NPAS3: variants seen among roughly 807,000 people sequenced by gnomAD.
The protein encoded by NPAS3 is neuronal PAS domain protein 3.
NPAS3 carries 14 observed loss-of-function variants against 73.1 expected under a neutral mutation model. The observed-to-expected ratio is 0.19, with a 90% CI of 0.13 to 0.30. NPAS3 has a LOEUF of 0.30. NPAS3 is among the 10% of genes least tolerant of loss of function. NPAS3 has a pLI of 1.00. For missense variants in NPAS3, 1,096 were observed against 1,250.0 expected (o/e 0.88, Z 1.86); for synonymous variants, 620 against 541.5 (o/e 1.14, Z -2.01).
At chr14:33,174,149 C>A (rs1379507583) in intron 2 of NPAS3, among the ~76,000 whole-genome samples, 3 of 152,172 alleles carry the variant, frequency 2.0e-5, no homozygotes, top group African/African-American at 7.2e-5. Context: ...CCCTGGAGTA[C>A]TCTGTCCTCA....
At chr14:32,994,485 G>A (rs578130860) in intron 1 of NPAS3, among the ~76,000 whole-genome samples, 1 of 151,442 alleles carries the variant, frequency 6.6e-6, no homozygotes, top group East Asian at 1.9e-4. Context: ...CATGATGGAT[G>A]TTAATTTAAA....
chr14:33,076,626 G>A (rs1027103416), intron 2 of NPAS3, among the ~76,000 whole-genome samples: 2 of 152,114 alleles, frequency 1.3e-5, no homozygotes, highest in Non-Finnish European at 2.9e-5. Context: ...TTCCCATAGG[G>A]TATAGAGTGT....
At chr14:33,606,316 A>G (rs2140023521) in intron 5 of NPAS3, among the ~76,000 whole-genome samples, 1 of 145,418 alleles carries the variant, frequency 6.9e-6, no homozygotes, top group East Asian at 2.1e-4. Context: ...GAGTGAGAAT[A>G]TGCAGTGTTT....
intron 1 of NPAS3, among the ~76,000 whole-genome samples, chr14:32,981,755 G>C (rs910585186): frequency 1.3e-5 from 2 of 151,964 alleles, no homozygotes; most frequent in South Asian, 2.1e-4. Context: ...GGTGTGGAGC[G>C]GGGGGTGAGA....
At chr14:33,686,753 G>A (rs1230688830) in intron 6 of NPAS3, among the ~76,000 whole-genome samples, 12 of 152,126 alleles carry the variant, frequency 7.9e-5, no homozygotes, top group Admixed American at 5.9e-4. Flanking sequence ...CCTTCCTCCA[G>A]TGTGCCTCTA....
intron 1 of NPAS3, among the ~76,000 whole-genome samples, chr14:33,043,440 C>T (rs757348841): frequency 6.6e-6 from 1 of 152,082 alleles, no homozygotes; most frequent in Non-Finnish European, 1.5e-5. Context: ...TCTACCTTTT[C>T]CAAAATCTGA....
chr14:33,699,497 G>A (rs750328695), intron 6 of NPAS3, among the ~76,000 whole-genome samples: 8 of 152,052 alleles, frequency 5.3e-5, no homozygotes, highest in Non-Finnish European at 8.8e-5. Context: ...CAGAAAGGGC[G>A]CCAGGAAAGT....
chr14:33,500,961 A>G (rs1366032345), intron 4 of NPAS3, among the ~76,000 whole-genome samples: 2 of 152,002 alleles, frequency 1.3e-5, no homozygotes, highest in Non-Finnish European at 1.5e-5. Context: ...CTAATTAGGA[A>G]CAACTTATAA....
At chr14:33,203,204 G>T (rs1216449739) in intron 2 of NPAS3, among the ~76,000 whole-genome samples, 1 of 152,224 alleles carries the variant, frequency 6.6e-6, no homozygotes, top group Non-Finnish European at 1.5e-5. Context: ...GGCAAGGCAT[G>T]CATGACTTCA....
chr14:33,526,610 T>C lies in NPAS3; in HGVS notation c.469-33511T>C, dbSNP rs1428609867. Among the ~76,000 whole-genome samples the C allele has an allele frequency of 5.9e-5, 9 of 151,296 alleles. No individual in the cohort carries two copies. In the South Asian group the frequency reaches 1.9e-3, roughly 32 times the overall value. ...TCCTGGGGTTCAATATATGGAGAAG[T>C]GGCAACGAGATCAGGGGAAAAAATC... On this transcript the variant is annotated intron_variant, in intron 4 of 11. Coordinates refer to ENST00000356141, the Ensembl canonical transcript of NPAS3.
rs539071458 is a variant in NPAS3, at chr14:33,074,592, T to C, written c.140+18598T>C. Reference sequence around the variant, plus strand: ...CCACCATGCCCAGCTAATTTTTGTATTTTTAGTAGAGATGGGATTTCACCA... The same window carrying C: ...CCACCATGCCCAGCTAATTTTTGTACTTTTAGTAGAGATGGGATTTCACCA... On this transcript the variant is annotated intron_variant, in intron 2 of 11. Transcript: ENST00000356141. Among the ~76,000 whole-genome samples, 4 of 152,240 alleles carry C rather than the reference T, an allele frequency of 2.6e-5. No individual in the cohort carries two copies. The South Asian group carries it at 8.3e-4, about 32-fold the overall frequency.
intron 4 of NPAS3, among the ~76,000 whole-genome samples, chr14:33,495,467 G>A (rs554217288): frequency 1.9e-4 from 29 of 152,150 alleles, no homozygotes; most frequent in Middle Eastern, 3.4e-3. Flanking sequence ...GTGGTGGAGA[G>A]TTCTGTAGAT....
intron 7 of NPAS3, among the ~76,000 whole-genome samples, chr14:33,742,822 T>C (rs1352865875): frequency 6.6e-6 from 1 of 152,212 alleles, no homozygotes; most frequent in Non-Finnish European, 1.5e-5. Context: ...TTCTAAATCC[T>C]TTGTTATTTC....
chr14:33,114,089 G>A (rs1400699879), intron 2 of NPAS3, among the ~76,000 whole-genome samples: 1 of 152,126 alleles, frequency 6.6e-6, no homozygotes, highest in Non-Finnish European at 1.5e-5. Flanking sequence ...GGGCTGGAGT[G>A]CAGTGGCACG....
intron 2 of NPAS3, among the ~76,000 whole-genome samples, chr14:33,057,621 G>T: frequency 6.6e-6 from 1 of 152,208 alleles, no homozygotes; most frequent in East Asian, 1.9e-4. Context: ...TTGGCGCATA[G>T]TAAGGCTTCC....
intron 3 of NPAS3, among the ~76,000 whole-genome samples, chr14:33,360,534 C>T (rs2045550405): frequency 6.6e-6 from 1 of 152,206 alleles, no homozygotes; most frequent in Non-Finnish European, 1.5e-5. Context: ...TTAAGCTTTA[C>T]ATCCAAAAGC....
Position 33,648,062 on chromosome 14 carries a change from G to A in NPAS3, c.559-28149G>A, listed in dbSNP as rs184839871. ...CCTTTCTTCTCTCTCACCCCTCTCC[G>A]TTTGATTTTGCCCCCAGGTTACAAG... is the stretch of plus-strand genomic sequence containing the variant. On this transcript the variant is annotated intron_variant, in intron 5 of 11. Coordinates refer to ENST00000356141, the Ensembl canonical transcript of NPAS3. Among the ~76,000 whole-genome samples the A allele has an allele frequency of 2.1e-3, 319 of 152,088 alleles. 2 individuals are homozygous for A. Among genetic ancestry groups the A allele is most frequent in the Middle Eastern group, 6.8e-3 (2 of 294 alleles).
intron 1 of NPAS3, among the ~76,000 whole-genome samples, chr14:32,961,797 A>G (rs1315036258): frequency 2.0e-5 from 3 of 152,188 alleles, no homozygotes; most frequent in Non-Finnish European, 1.5e-5. Flanking sequence ...TTTAGAAGCT[A>G]TGAACTTTGC....
intron 3 of NPAS3, among the ~76,000 whole-genome samples, chr14:33,217,493 A>G (rs1323201144): frequency 2.0e-5 from 3 of 152,218 alleles, no homozygotes; most frequent in African/African-American, 7.2e-5. Flanking sequence ...TGTGAAAAAC[A>G]TGTAATAATT....
Sources: gnomAD v4.1 joint callset for allele counts (sites outside exome capture counted in the v4.1 genomes callset) on GRCh38, gnomAD v4.1.1 for gene constraint, MANE v1.5 for transcripts, NCBI Gene and HGNC (gene_info 2026-07-23, HGNC 2026-07-21) for gene names.